The following ZFYVE28 variants were observed in gnomAD, a reference collection of about 807,000 sequenced individuals.
The protein encoded by ZFYVE28 is zinc finger FYVE-type containing 28.
A neutral mutation model predicts 82.1 loss-of-function variants in ZFYVE28; 40 were observed. That is an observed-to-expected ratio of 0.49 (90% CI 0.38 to 0.63). The LOEUF is 0.63. Ranked by LOEUF, ZFYVE28 falls within the 30% of genes least tolerant of loss-of-function variation. ZFYVE28 has a pLI of 0.00. For synonymous variants in ZFYVE28, 612 were observed against 546.1 expected (o/e 1.12, Z -1.68); for missense variants, 1,321 against 1,242.1 (o/e 1.06, Z -0.96).
chr4:2,306,971 G>C (rs562118161), intron 7 of ZFYVE28: 1 of 152,390 alleles, frequency 6.6e-6, no homozygotes, highest in South Asian at 2.1e-4. Context: ...TGCACACATG[G>C]GGTGGGACTG....
intron 8 of ZFYVE28, among the ~76,000 whole-genome samples, chr4:2,296,426 A>G (rs1173088506): frequency 6.6e-6 from 1 of 152,248 alleles, no homozygotes; most frequent in African/African-American, 2.4e-5. Flanking sequence ...GTGTCAGCCC[A>G]GGAGGCCCCG....
In ZFYVE28 at chr4:2,416,675, C is replaced by G. The variant is rs1733073619; in HGVS notation, c.39+1610G>C. ...AGGCGCCGCAGGAGGAGAGGCTGGG[C>G]GCAGACGGCTCGGCCCCAAACCACA... is the stretch of plus-strand genomic sequence containing the variant. On this transcript the variant is annotated intron_variant, in intron 1 of 12. Transcript: ENST00000290974. This position sits in a 1 kb window ranked among gnomAD's most constrained non-coding sequence, Gnocchi z 4.6. Among the ~76,000 whole-genome samples, 1 of 152,180 alleles carries G rather than the reference C, an allele frequency of 6.6e-6. No homozygotes were observed. Among genetic ancestry groups the G allele is most frequent in the African/African-American group, 2.4e-5 (1 of 41,432 alleles).
intron 7 of ZFYVE28, 34 bp from the exon 8 acceptor site, chr4:2,305,570 CCCAAAAG>C (rs1716441468): frequency 6.2e-7 from 1 of 1,611,606 alleles, no homozygotes; most frequent in Non-Finnish European, 8.5e-7. Context: ...GGGTGAGGGT[CCCAAAAG>C]CCACACCAGC....
At chr4:2,301,055 GCT>G (rs1715439897) in intron 8 of ZFYVE28, among the ~76,000 whole-genome samples, 1 of 152,194 alleles carries the variant, frequency 6.6e-6, no homozygotes, top group East Asian at 1.9e-4. Flanking sequence ...CTGACACGGG[GCT>G]GTTTGAATTT....
intron 7 of ZFYVE28, among the ~76,000 whole-genome samples, chr4:2,308,524 G>A (rs1205781210): frequency 1.5e-5 from 2 of 137,400 alleles, no homozygotes; most frequent in African/African-American, 2.7e-5. Context: ...GGGAGGGAGG[G>A]GAGGGGAGGG....
At chr4:2,358,245 G>A (rs570011581) in intron 1 of ZFYVE28, among the ~76,000 whole-genome samples, 73 of 152,312 alleles carry the variant, frequency 4.8e-4, no homozygotes, top group African/African-American at 1.6e-3. Context: ...ATGCATGTGC[G>A]TCCATGTATC....
At chr4:2,393,717 C>T (rs1000098078) in intron 1 of ZFYVE28, among the ~76,000 whole-genome samples, 5 of 152,356 alleles carry the variant, frequency 3.3e-5, no homozygotes, top group African/African-American at 7.2e-5. Context: ...GGCCCCTTGC[C>T]GCTGCCCCTC....
chr4:2,399,255 T>C lies in ZFYVE28; in HGVS notation c.39+19030A>G, dbSNP rs1030698255. Among the ~76,000 whole-genome samples, 51 of 152,048 alleles carry C rather than the reference T, an allele frequency of 3.4e-4. 1 individual carries two copies. Among genetic ancestry groups the C allele is most frequent in the African/African-American group, 1.1e-3 (46 of 41,448 alleles). On this transcript the variant is annotated intron_variant, in intron 1 of 12. Coordinates refer to ENST00000290974, the MANE Select transcript of ZFYVE28 (RefSeq NM_020972.3). ...TGGGGGGTTGAGATCCAGCCCTGCA[T>C]TGGGGGGTGCAGCAGGGGTGTGGCT...
chr4:2,308,667 AAGAAAGAAAG>A (rs1716995297), intron 7 of ZFYVE28, among the ~76,000 whole-genome samples: 1 of 100,006 alleles, frequency 1.0e-5, no homozygotes, highest in African/African-American at 4.4e-5. Context: ...GAAAGAAAGA[AAGAAAGAAAG>A]AGAAAGAAAG....
At chr4:2,277,013 C>T (rs892229390) in intron 8 of ZFYVE28, among the ~76,000 whole-genome samples, 8 of 151,854 alleles carry the variant, frequency 5.3e-5, no homozygotes, top group African/African-American at 1.9e-4. Flanking sequence ...AGAATTGGGG[C>T]AGGGAGAGAG....
At chr4:2,396,841 G>T (rs1038843543) in intron 1 of ZFYVE28, among the ~76,000 whole-genome samples, 1 of 152,218 alleles carries the variant, frequency 6.6e-6, no homozygotes, top group Non-Finnish European at 1.5e-5. Context: ...GGACAGCTGG[G>T]GGAGGGTACC....
chr4:2,302,576 C>A lies in ZFYVE28; in HGVS notation c.2051+1713G>T, dbSNP rs368680751. On this transcript the variant is annotated intron_variant, in intron 8 of 12. Transcript: ENST00000290974. ...GTTAGAAAGTAGTCTGGCAGCTCCT[C>A]AAAATGCCACACACAGAGTGACCAC... Among the ~76,000 whole-genome samples, 37 of 152,364 alleles carry A rather than the reference C, an allele frequency of 2.4e-4. 1 individual carries two copies. In the East Asian group the frequency reaches 7.1e-3, roughly 29 times the overall value.
chr4:2,343,524 T>A (rs1723107139), intron 2 of ZFYVE28: 1 of 152,268 alleles, frequency 6.6e-6, no homozygotes. Context: ...GTGGGACTAC[T>A]GTCACTTCTT....
intron 7 of ZFYVE28, among the ~76,000 whole-genome samples, chr4:2,310,651 A>T (rs1284977150): frequency 6.6e-6 from 1 of 152,140 alleles, no homozygotes; most frequent in Non-Finnish European, 1.5e-5. Context: ...AAAAAATACA[A>T]AAATTAGTTG....
At chr4:2,385,616 G>A (rs1425975860) in intron 1 of ZFYVE28, among the ~76,000 whole-genome samples, 1 of 152,210 alleles carries the variant, frequency 6.6e-6, no homozygotes, top group African/African-American at 2.4e-5. Flanking sequence ...GGCACCCACT[G>A]CCTGCATCTG....
At chr4:2,308,830 A>G (rs1036642632) in intron 7 of ZFYVE28, among the ~76,000 whole-genome samples, 5 of 152,196 alleles carry the variant, frequency 3.3e-5, no homozygotes, top group Non-Finnish European at 5.9e-5. Context: ...CATTGAACTC[A>G]TAGATTAATT....
intron 1 of ZFYVE28, among the ~76,000 whole-genome samples, chr4:2,378,515 T>A (rs1367476697): frequency 6.6e-6 from 1 of 152,168 alleles, no homozygotes; most frequent in Non-Finnish European, 1.5e-5. Context: ...AAATACAGCT[T>A]TTCCATCATT....
At chr4:2,281,479 A>G (rs1711960271) in intron 8 of ZFYVE28, among the ~76,000 whole-genome samples, 1 of 152,268 alleles carries the variant, frequency 6.6e-6, no homozygotes, top group African/African-American at 2.4e-5. Flanking sequence ...CCTTCTTGCT[A>G]TGTCACCACA....
At chr4:2,397,471 C>CAAAAA (rs35358830) in intron 1 of ZFYVE28, among the ~76,000 whole-genome samples, 1 of 98,252 alleles carries the variant, frequency 1.0e-5, no homozygotes, top group Non-Finnish European at 2.0e-5. Context: ...GACTCGGTCT[C>CAAAAA]AAAAAAAAAA....
Sources: gnomAD v4.1 joint callset for allele counts (sites outside exome capture counted in the v4.1 genomes callset) on GRCh38, gnomAD v4.1.1 for gene constraint, Gnocchi (gnomAD v3.1) non-coding constraint, MANE v1.5 for transcripts, NCBI Gene and HGNC (gene_info 2026-07-23, HGNC 2026-07-21) for gene names.